Variants in VWC2 observed in about 807,000 individuals in gnomAD.
VWC2 encodes von Willebrand factor C domain containing 2.
Under a neutral mutation model 29.8 loss-of-function variants are expected in VWC2, and 14 were observed. The observed-to-expected ratio is 0.47, with a 90% confidence interval of 0.31 to 0.74. The LOEUF is 0.74. Among genes scored for constraint, VWC2 ranks in the 30% least tolerant of loss-of-function variants. The pLI, the probability that VWC2 is intolerant of heterozygous loss-of-function variation, is 0.05. For missense variants in VWC2, 457 were observed against 459.8 expected (o/e 0.99, Z 0.05); for synonymous variants, 213 against 199.0 (o/e 1.07, Z -0.59).
chr7:49,797,513 T>C (rs1292781135), intron 2 of VWC2, among the ~76,000 whole-genome samples: 1 of 152,180 alleles, frequency 6.6e-6, no homozygotes, highest in Non-Finnish European at 1.5e-5. Flanking sequence ...AGAGGCACTG[T>C]GGTAACTGTG....
intron 3 of VWC2, among the ~76,000 whole-genome samples, chr7:49,836,800 C>G (rs111617134): frequency 0.015 from 2,211 of 152,110 alleles, 34 homozygotes; most frequent in African/African-American, 0.036. Context: ...AGAAACCAAA[C>G]CACTGTTTAG....
intron 2 of VWC2, among the ~76,000 whole-genome samples, chr7:49,792,041 C>G (rs186182443): frequency 6.6e-6 from 1 of 152,326 alleles, no homozygotes; most frequent in African/African-American, 2.4e-5. Context: ...AAGAAATATA[C>G]AGGCGTTACT....
chr7:49,852,740 C>T lies in VWC2; in HGVS notation c.826+49900C>T, dbSNP rs546839528. ...TCAAAATCTGCGGGATTTAAGTGAT[C>T]GTCTTAATCAACTTCTTCCAAACCC... On this transcript the variant is annotated intron_variant, in intron 3 of 3. Transcript: ENST00000340652. 6.2e-4 allele frequency among the ~76,000 whole-genome samples: 94 copies of T among 152,198 alleles called. 1 individual carries two copies. The highest frequency in any genetic ancestry group is 2.0e-3 in the African/African-American group (82 of 41,508).
At chr7:49,814,750 C>T (rs1789097660) in intron 3 of VWC2, among the ~76,000 whole-genome samples, 1 of 152,122 alleles carries the variant, frequency 6.6e-6, no homozygotes, top group Non-Finnish European at 1.5e-5. Context: ...GACTGGTGTC[C>T]ACTAGGCATG....
intron 3 of VWC2, among the ~76,000 whole-genome samples, chr7:49,838,251 A>C (rs1356006703): frequency 6.6e-6 from 1 of 152,228 alleles, no homozygotes; most frequent in African/African-American, 2.4e-5. Context: ...TAAAAGGCAA[A>C]ATGCTCTATG....
At chr7:49,809,969 T>C (rs1017430943) in intron 3 of VWC2, among the ~76,000 whole-genome samples, 4 of 151,956 alleles carry the variant, frequency 2.6e-5, no homozygotes, top group Non-Finnish European at 4.4e-5. Flanking sequence ...AGGATATCCA[T>C]ATTGACCACT....
intron 3 of VWC2, 72 bp downstream of exon 3, chr7:49,802,912 TA>T: frequency 6.3e-7 from 1 of 1,597,548 alleles, no homozygotes; most frequent in Admixed American, 1.7e-5. Flanking sequence ...TGCTTCATGG[TA>T]GACGGGACAC....
intron 3 of VWC2, among the ~76,000 whole-genome samples, chr7:49,866,906 A>G (rs1025743234): frequency 5.9e-5 from 9 of 152,242 alleles, no homozygotes; most frequent in African/African-American, 2.2e-4. Flanking sequence ...TTGGAGCAGC[A>G]GCACAGCAAA....
intron 3 of VWC2, among the ~76,000 whole-genome samples, chr7:49,843,595 G>T (rs1364941566): frequency 6.6e-6 from 1 of 152,172 alleles, no homozygotes; most frequent in Non-Finnish European, 1.5e-5. Context: ...AGTTTTGTAT[G>T]TACAGAAAGG....
intron 3 of VWC2, among the ~76,000 whole-genome samples, chr7:49,884,835 G>A (rs1451450294): frequency 2.6e-5 from 4 of 151,934 alleles, no homozygotes; most frequent in Admixed American, 6.6e-5. Flanking sequence ...TGATATAGAC[G>A]TCAATAGTTA....
chr7:49,785,338 C>T (rs1213251251), intron 2 of VWC2, among the ~76,000 whole-genome samples: 1 of 152,104 alleles, frequency 6.6e-6, no homozygotes, highest in African/African-American at 2.4e-5. Context: ...GCTTAGAATT[C>T]TGAGATTGTA....
intron 3 of VWC2, among the ~76,000 whole-genome samples, chr7:49,881,859 T>C (rs1791679807): frequency 6.6e-6 from 1 of 152,074 alleles, no homozygotes; most frequent in African/African-American, 2.4e-5. Flanking sequence ...TTTTCTGAAG[T>C]TGAATTCATA....
At chr7:49,820,521 A>T (rs1447498131) in intron 3 of VWC2, among the ~76,000 whole-genome samples, 1 of 152,218 alleles carries the variant, frequency 6.6e-6, no homozygotes, top group African/African-American at 2.4e-5. Context: ...ATTTATTTTT[A>T]AAAAGGATTA....
At chr7:49,877,167 A>C (rs1791445278) in intron 3 of VWC2, among the ~76,000 whole-genome samples, 1 of 151,874 alleles carries the variant, frequency 6.6e-6, no homozygotes, top group African/African-American at 2.4e-5. Flanking sequence ...AGTGCTCAAA[A>C]ATATTTATTT....
At chr7:49,893,377 G>A (rs908482984) in intron 3 of VWC2, among the ~76,000 whole-genome samples, 3 of 152,158 alleles carry the variant, frequency 2.0e-5, no homozygotes, top group Non-Finnish European at 2.9e-5. Context: ...TAATTTGGCA[G>A]GATAGTTTTC....
chr7:49,835,710 C>T (rs1789640700), intron 3 of VWC2, among the ~76,000 whole-genome samples: 1 of 152,114 alleles, frequency 6.6e-6, no homozygotes, highest in Admixed American at 6.6e-5. Context: ...GTTGCGTCCA[C>T]GTGCACTTTA....
At chr7:49,892,071 G>A (rs1281778812) in intron 3 of VWC2, among the ~76,000 whole-genome samples, 1 of 107,010 alleles carries the variant, frequency 9.3e-6, no homozygotes, top group East Asian at 3.1e-4. Context: ...TTGAGACGGA[G>A]TCTCGCTCTG....
intron 3 of VWC2, among the ~76,000 whole-genome samples, chr7:49,849,046 A>C (rs1441980744): frequency 6.6e-6 from 1 of 152,170 alleles, no homozygotes; most frequent in Non-Finnish European, 1.5e-5. Flanking sequence ...TGCTTGCTTC[A>C]TGTATGACAA....
Position 49,892,031 on chromosome 7 carries a change from A to ATTT in VWC2, c.827-19974_827-19972dup, listed in dbSNP as rs536880676. Among the ~76,000 whole-genome samples the ATTT allele has an allele frequency of 6.8e-4, 36 of 53,288 alleles. 3 individuals carry two copies. Among genetic ancestry groups the ATTT allele is most frequent in the Admixed American group, 1.3e-3 (4 of 3,026 alleles). 35.0% of individuals were successfully genotyped at this position (53,288 alleles called of 152,430 possible). A position where few individuals can be genotyped will look rare whatever the true frequency, so the allele number is the denominator to read the frequency against. Reference sequence around the variant, plus strand: ...GCAGTTGGCAGAACAGACAAAGTAGATTTTTTTTTTTTTTTTTTTTTTTTT... The same window carrying ATTT: ...GCAGTTGGCAGAACAGACAAAGTAGATTTTTTTTTTTTTTTTTTTTTTTTTTTT... On this transcript the variant is annotated intron_variant, in intron 3 of 3. Coordinates refer to ENST00000340652, the MANE Select transcript of VWC2 (RefSeq NM_198570.5).
Sources: allele counts gnomAD v4.1 joint callset (sites outside exome capture counted in the v4.1 genomes callset), GRCh38; gene constraint gnomAD v4.1.1; transcripts MANE v1.5; gene names NCBI Gene and HGNC (gene_info 2026-07-23, HGNC 2026-07-21).